The following UNC13C variants were observed in gnomAD, a reference collection of about 807,000 sequenced individuals.
The protein encoded by UNC13C is unc-13 homolog C.
UNC13C carries 174 observed loss-of-function variants against 245.4 expected under a neutral mutation model. The observed-to-expected ratio is 0.71, with a 90% CI of 0.63 to 0.80. UNC13C has a LOEUF of 0.80. Ranked by LOEUF, UNC13C falls within the 30% of genes least tolerant of loss-of-function variation. The pLI is 0.00. For missense variants in UNC13C, 2,829 were observed against 2,602.9 expected, an observed-to-expected ratio of 1.09 and a Z score of -1.89; for synonymous variants, 992 against 895.1, an observed-to-expected ratio of 1.11 and a Z score of -1.93.
intron 7 of UNC13C, among the ~76,000 whole-genome samples, chr15:54,241,020 G>A (rs183613715): frequency 6.6e-6 from 1 of 152,318 alleles, no homozygotes; most frequent in African/African-American, 2.4e-5. Flanking sequence ...ACCATACAGT[G>A]GGAGGGGGAT....
intron 4 of UNC13C, among the ~76,000 whole-genome samples, chr15:54,203,796 A>ATTC (rs1567094902): frequency 4.6e-5 from 5 of 108,512 alleles, no homozygotes; most frequent in East Asian, 3.0e-4. Context: ...AGATATACAC[A>ATTC]TGTGTATATG....
chr15:54,478,911 T>A (rs984489724), intron 19 of UNC13C, among the ~76,000 whole-genome samples: 1 of 151,930 alleles, frequency 6.6e-6, no homozygotes, highest in Non-Finnish European at 1.5e-5. Context: ...GACAGTGGGG[T>A]GTTAAAGTCT....
intron 30 of UNC13C, among the ~76,000 whole-genome samples, chr15:54,602,045 C>G (rs897781494): frequency 6.6e-6 from 1 of 150,476 alleles, no homozygotes; most frequent in Non-Finnish European, 1.5e-5. Flanking sequence ...CTCGCTAGCT[C>G]CTCCCTTGGC....
chr15:54,187,032 G>C (rs796607137), intron 4 of UNC13C, among the ~76,000 whole-genome samples: 14 of 151,816 alleles, frequency 9.2e-5, no homozygotes, highest in African/African-American at 3.1e-4. Flanking sequence ...TATTTTAGTA[G>C]AGACAGGGTT....
chr15:54,009,180 T>C (rs1314164421), intron 1 of UNC13C, among the ~76,000 whole-genome samples: 1 of 152,208 alleles, frequency 6.6e-6, no homozygotes, highest in Non-Finnish European at 1.5e-5. Context: ...AAATTGTTGC[T>C]GGATCATAGA....
At chr15:54,219,277 C>T (rs1300440208) in intron 4 of UNC13C, among the ~76,000 whole-genome samples, 2 of 150,538 alleles carry the variant, frequency 1.3e-5, no homozygotes, top group Non-Finnish European at 3.0e-5. Context: ...CAGAACAGAG[C>T]CCTCAGAAAT....
intron 4 of UNC13C, among the ~76,000 whole-genome samples, chr15:54,167,998 C>A (rs1244244842): frequency 5.3e-5 from 8 of 152,098 alleles, no homozygotes; most frequent in African/African-American, 1.9e-4. Context: ...ACAACCAAAA[C>A]TCTCCTATGG....
intron 28 of UNC13C, among the ~76,000 whole-genome samples, chr15:54,552,591 CAATATATAATATATA>C (rs1896833214): frequency 1.2e-4 from 2 of 16,258 alleles, no homozygotes; most frequent in African/African-American, 2.2e-4. Flanking sequence ...TTATATTGTA[CAATATATAATATATA>C]ATTATATAAT....
the UNC13C span, among the ~76,000 whole-genome samples, chr15:53,961,806 A>G: frequency 0.99 from 150,310 of 152,300 alleles, 74,204 homozygotes; most frequent in Middle Eastern, 1. Flanking sequence ...AAATATGTAC[A>G]GTAGCAGAAT....
intron 2 of UNC13C, among the ~76,000 whole-genome samples, chr15:54,134,474 T>C (rs537978764): frequency 6.6e-5 from 10 of 152,198 alleles, no homozygotes; most frequent in African/African-American, 2.2e-4. Context: ...ACACATAACA[T>C]TGTCTTCATC....
chr15:54,099,374 G>C (rs1900046460), intron 2 of UNC13C, among the ~76,000 whole-genome samples: 1 of 152,098 alleles, frequency 6.6e-6, no homozygotes, highest in Non-Finnish European at 1.5e-5. Flanking sequence ...AACTTTGCTT[G>C]GGAATATAGC....
chr15:54,244,258 T>C (rs2035933692), intron 7 of UNC13C, among the ~76,000 whole-genome samples: 1 of 152,214 alleles, frequency 6.6e-6, no homozygotes, highest in African/African-American at 2.4e-5. Context: ...TGCCTGTTTT[T>C]GTCAGGTTTT....
the UNC13C span, among the ~76,000 whole-genome samples, chr15:53,949,391 T>C: frequency 6.6e-6 from 1 of 152,240 alleles, no homozygotes; most frequent in South Asian, 2.1e-4. Context: ...AGGAAATCCA[T>C]AGACATTTAT....
chr15:54,040,818 C>A (rs371375026), intron 2 of UNC13C, among the ~76,000 whole-genome samples: 3 of 152,300 alleles, frequency 2.0e-5, no homozygotes, highest in South Asian at 4.1e-4. Context: ...TTCTCTCAGC[C>A]TGAAATGTTC....
chr15:53,987,027 G>A (rs1038476502), intron 1 of UNC13C, among the ~76,000 whole-genome samples: 1 of 151,928 alleles, frequency 6.6e-6, no homozygotes, highest in Admixed American at 6.6e-5. Flanking sequence ...TTATAGATTG[G>A]CTTACCTTTG....
chr15:54,595,942 A>C (rs1219384370), intron 30 of UNC13C, among the ~76,000 whole-genome samples: 3 of 152,356 alleles, frequency 2.0e-5, no homozygotes, highest in Admixed American at 2.0e-4. Context: ...AGTAGATAAC[A>C]TATTTCTTCA....
chr15:54,051,080 T>A (rs1405625656), intron 2 of UNC13C, among the ~76,000 whole-genome samples: 1 of 152,218 alleles, frequency 6.6e-6, no homozygotes, highest in Non-Finnish European at 1.5e-5. Context: ...TTTTATACTC[T>A]TTTATTGTGA....
At chr15:54,309,277 A>G (rs922285157) in intron 13 of UNC13C, among the ~76,000 whole-genome samples, 3 of 151,760 alleles carry the variant, frequency 2.0e-5, no homozygotes, top group Non-Finnish European at 2.9e-5. Flanking sequence ...TATTTTTCAT[A>G]TACTATTGGG....
intron 30 of UNC13C, among the ~76,000 whole-genome samples, chr15:54,579,058 G>C (rs1231993147): frequency 6.6e-6 from 1 of 152,186 alleles, no homozygotes; most frequent in Non-Finnish European, 1.5e-5. Flanking sequence ...CATGGCATGG[G>C]GCTTGGATGG....
Sources: allele counts gnomAD v4.1 joint callset (sites outside exome capture counted in the v4.1 genomes callset), GRCh38; gene constraint gnomAD v4.1.1; transcripts MANE v1.5; gene names NCBI Gene and HGNC (gene_info 2026-07-23, HGNC 2026-07-21).